The following FOXO1 variants were observed in gnomAD, a reference collection of about 807,000 sequenced individuals.
The protein encoded by FOXO1 is forkhead box protein O1.
A neutral mutation model predicts 44.1 loss-of-function variants in FOXO1; 6 were observed. That is an observed-to-expected ratio of 0.14 (90% CI 0.07 to 0.27). FOXO1 has a LOEUF of 0.27. Ranked by LOEUF, FOXO1 falls within the 10% of genes least tolerant of loss-of-function variation. The pLI is 1.00. For missense variants in FOXO1, 737 were observed against 888.8 expected (o/e 0.83, Z 2.17); for synonymous variants, 380 against 362.7 (o/e 1.05, Z -0.54).
chr13:40,611,599 C>A (rs1200731615), intron 1 of FOXO1, among the ~76,000 whole-genome samples: 1 of 152,198 alleles, frequency 6.6e-6, no homozygotes, highest in Non-Finnish European at 1.5e-5. Flanking sequence ...TGCCCATTCC[C>A]TCCTCACCTG....
intron 1 of FOXO1, among the ~76,000 whole-genome samples, chr13:40,639,939 AG>A (rs763198343): frequency 1.3e-5 from 2 of 152,232 alleles, no homozygotes; most frequent in Non-Finnish European, 2.9e-5. Flanking sequence ...CGACAATCTT[AG>A]CAAGTGCTAT....
At chr13:40,617,632 C>T (rs1394249887) in intron 1 of FOXO1, among the ~76,000 whole-genome samples, 1 of 151,824 alleles carries the variant, frequency 6.6e-6, no homozygotes, top group African/African-American at 2.4e-5. Context: ...GGTCAGCACT[C>T]CTCTCCTAAC....
intron 1 of FOXO1, among the ~76,000 whole-genome samples, chr13:40,635,796 C>G (rs1229742790): frequency 3.3e-5 from 5 of 152,228 alleles, no homozygotes. Context: ...AGGGCCTGCC[C>G]TGCCCACTTC....
intron 1 of FOXO1, among the ~76,000 whole-genome samples, chr13:40,638,283 G>C (rs1389204654): frequency 1.3e-5 from 2 of 152,044 alleles, no homozygotes; most frequent in African/African-American, 4.8e-5. Context: ...AGCCAGATGA[G>C]AACCTCTGGC....
chr13:40,638,146 T>C (rs1877222976), intron 1 of FOXO1, among the ~76,000 whole-genome samples: 1 of 152,232 alleles, frequency 6.6e-6, no homozygotes, highest in African/African-American at 2.4e-5. Context: ...TGAAGGTTCT[T>C]TCTGTTTCTA....
At chr13:40,580,910 GA>G (rs1176683549) in intron 1 of FOXO1, among the ~76,000 whole-genome samples, 1 of 152,186 alleles carries the variant, frequency 6.6e-6, no homozygotes. Flanking sequence ...GAGGCTCCAG[GA>G]AAGTATCTAC....
chr13:40,605,047 T>G (rs1268649550), intron 1 of FOXO1, among the ~76,000 whole-genome samples: 1 of 151,936 alleles, frequency 6.6e-6, no homozygotes, highest in Non-Finnish European at 1.5e-5. Context: ...ATTAGTGATG[T>G]TCTTTATCAT....
chr13:40,627,658 C>T (rs2137909295), intron 1 of FOXO1, among the ~76,000 whole-genome samples: 1 of 152,104 alleles, frequency 6.6e-6, no homozygotes, highest in East Asian at 1.9e-4. Flanking sequence ...CATGGTGAAA[C>T]CCCATCTCTA....
chr13:40,660,527 G>A (rs976281253), intron 1 of FOXO1, among the ~76,000 whole-genome samples: 1 of 152,140 alleles, frequency 6.6e-6, no homozygotes, highest in African/African-American at 2.4e-5. Context: ...TTGGATGAAG[G>A]GGCTAGAAGC....
chr13:40,641,168 G>A (rs980329440), intron 1 of FOXO1, among the ~76,000 whole-genome samples: 13 of 152,094 alleles, frequency 8.5e-5, no homozygotes, highest in Non-Finnish European at 1.6e-4. Context: ...CTTTTCCTCC[G>A]TCTTCTAGGC....
At position 40,666,073 on chromosome 13, in the gene FOXO1, C is replaced by T. The variant is rs1207899003; in HGVS notation, c.140G>A (p.Ser47Asn). 3 of 1,330,894 alleles carry T rather than the reference C, an allele frequency of 2.3e-6. No homozygotes were observed. Among genetic ancestry groups the T allele is most frequent in the Admixed American group, 4.0e-5 (1 of 25,272 alleles). The allele number at this position is 1,330,894 out of a possible 1,614,324, so 82.4% of individuals were successfully genotyped here. Reference sequence around the variant, plus strand: ...CGCGGCGTCGGGGTTGGCAGCCGCGCTGCCCGACGGCGCCGGGCTGGAGGT... The same window carrying T: ...CGCGGCGTCGGGGTTGGCAGCCGCGTTGCCCGACGGCGCCGGGCTGGAGGT... ...SATSSPAPSG[S>N]AAANPDAAAG... The change falls in exon 1 of 3, where the codon AGC (serine) becomes AAC (asparagine). Residue 47 changes from serine to asparagine, a missense_variant. By Grantham distance (46) the Ser-to-Asn change is conservative (BLOSUM62 1). Around this residue, in one of 7 missense-constraint regions of FOXO1, gnomAD observed 213 missense variants for 236.4 expected, o/e 0.90. Transcript: ENST00000379561.
At chr13:40,563,125 A>G (rs1451002370) in intron 1 of FOXO1, among the ~76,000 whole-genome samples, 2 of 152,166 alleles carry the variant, frequency 1.3e-5, no homozygotes. Context: ...CTCAACCACA[A>G]AAAGGCTCTG....
intron 1 of FOXO1, among the ~76,000 whole-genome samples, chr13:40,654,121 A>G (rs574092469): frequency 2.0e-4 from 30 of 152,034 alleles, no homozygotes; most frequent in African/African-American, 7.2e-4. Context: ...CTCATGGGGT[A>G]TATCATTAGG....
intron 1 of FOXO1, among the ~76,000 whole-genome samples, chr13:40,580,959 G>A (rs894551694): frequency 6.6e-5 from 10 of 152,196 alleles, no homozygotes; most frequent in Admixed American, 5.2e-4. Context: ...TTAAATACCC[G>A]GCGCTTCCGC....
chr13:40,650,912 G>A (rs1186491442), intron 1 of FOXO1, among the ~76,000 whole-genome samples: 1 of 151,900 alleles, frequency 6.6e-6, no homozygotes, highest in Non-Finnish European at 1.5e-5. Context: ...GCACCACCAT[G>A]CCCAGCTAAT....
At chr13:40,578,785 A>G (rs1406306828) in intron 1 of FOXO1, among the ~76,000 whole-genome samples, 2 of 152,224 alleles carry the variant, frequency 1.3e-5, no homozygotes, top group Admixed American at 1.3e-4. Context: ...TGAGTACACA[A>G]AACAACACAA....
chr13:40,588,062 G>A (rs1356120741), intron 1 of FOXO1, among the ~76,000 whole-genome samples: 2 of 152,146 alleles, frequency 1.3e-5, no homozygotes, highest in Non-Finnish European at 2.9e-5. Flanking sequence ...CTATGGTGCG[G>A]GAGGAAGCCC....
At position 40,559,830 on chromosome 13, in the gene FOXO1, C is replaced by G. The variant is rs139398811; in HGVS notation, c.1661G>C (p.Arg554Pro). The change falls in exon 2 of 3, where the codon CGC becomes CCC. Residue 554 changes from arginine to proline, a missense_variant. Coordinates refer to ENST00000379561, the MANE Select transcript of FOXO1 (RefSeq NM_002015.4). ...TACAGGTGTCTTCACTTGGGTCAGGCGGTTCATACCCGAGGTGTGGGGCAT... is the reference window on the plus strand; with the variant it reads ...TACAGGTGTCTTCACTTGGGTCAGGGGGTTCATACCCGAGGTGTGGGGCAT... The part of the protein sequence containing the change: ...STMPHTSGMN[R>P]LTQVKTPVQV... 1 of 1,613,792 alleles carries G rather than the reference C, an allele frequency of 6.2e-7. No individual in the cohort carries two copies. Among genetic ancestry groups the G allele is most frequent in the African/African-American group, 1.3e-5 (1 of 74,904 alleles).
At chr13:40,664,956 G>C (rs1250912532) in intron 1 of FOXO1, among the ~76,000 whole-genome samples, 7 of 151,984 alleles carry the variant, frequency 4.6e-5, no homozygotes, top group African/African-American at 1.7e-4. Flanking sequence ...CTCGGGCTCG[G>C]GACGCCGGGC....
Sources: gnomAD v4.1 joint callset for allele counts (sites outside exome capture counted in the v4.1 genomes callset) on GRCh38, gnomAD v4.1.1 for gene constraint, gnomAD v4.1.1 regional missense constraint, MANE v1.5 for transcripts, NCBI Gene and HGNC (gene_info 2026-07-23, HGNC 2026-07-21) for gene names.